The following MAK variants were observed in gnomAD, a reference collection of about 807,000 sequenced individuals.
MAK encodes the protein male germ cell associated kinase.
MAK carries 65 observed loss-of-function variants against 82.6 expected under a neutral mutation model. That is an observed-to-expected ratio of 0.79 (90% CI 0.64 to 0.97). The LOEUF (loss-of-function observed/expected upper bound fraction) is 0.97, where lower values mean the gene tolerates loss of function less well. Among genes scored for constraint, MAK ranks in the 50% least tolerant of loss-of-function variants. MAK has a pLI of 0.00. For missense variants in MAK, 703 were observed against 780.2 expected (o/e 0.90, Z 1.18); for synonymous variants, 250 against 274.2 (o/e 0.91, Z 0.87).
At chr6:10,835,836 C>G (rs1019240979) in intron 1 of MAK, among the ~76,000 whole-genome samples, 1 of 152,136 alleles carries the variant, frequency 6.6e-6, no homozygotes, top group African/African-American at 2.4e-5. Context: ...GCCCAACAAT[C>G]TAAAAATTAA....
rs1778731048 is a variant in MAK at position 10,830,465 on chromosome 6, T to G, written c.101+83A>C. 2.4e-5 allele frequency: 28 copies of G among 1,170,466 alleles called. 1 individual carries two copies. The South Asian group carries it at 3.3e-4, about 14-fold the overall frequency. The allele number at this position is 1,170,466 out of a possible 1,614,324, so 72.5% of individuals were successfully genotyped here. A position where few individuals can be genotyped will look rare whatever the true frequency, so the allele number is the denominator to read the frequency against. The stretch of plus-strand genomic sequence containing the variant: ...AGGCATGAGCCACCGCGCTGGCCTG[T>G]GCTGGTATATATTCTTAAGCGAGGA... On this transcript the variant is annotated intron_variant, in intron 2 of 14. Coordinates refer to ENST00000354489, the MANE Select transcript of MAK (RefSeq NM_001242957.3).
chr6:10,787,867 A>C (rs1471492336), intron 10 of MAK, among the ~76,000 whole-genome samples: 1 of 152,050 alleles, frequency 6.6e-6, no homozygotes, highest in African/African-American at 2.4e-5. Context: ...TCAAAAAAAA[A>C]AAAAAAAAGT....
intron 5 of MAK, among the ~76,000 whole-genome samples, chr6:10,811,252 G>A (rs778244691): frequency 3.3e-5 from 5 of 152,130 alleles, no homozygotes; most frequent in Non-Finnish European, 7.4e-5. Flanking sequence ...GCCTGCCTTG[G>A]CCTCCCAAAG....
At chr6:10,804,738 A>T (rs903546903) in intron 6 of MAK, among the ~76,000 whole-genome samples, 1 of 152,162 alleles carries the variant, frequency 6.6e-6, no homozygotes, top group Admixed American at 6.5e-5. Context: ...GACACTCTCA[A>T]TTCTCTTTTT....
At chr6:10,827,340 G>T (rs906900977) in intron 2 of MAK, among the ~76,000 whole-genome samples, 1 of 152,058 alleles carries the variant, frequency 6.6e-6, no homozygotes, top group Non-Finnish European at 1.5e-5. Flanking sequence ...AAATATTTTT[G>T]TATATGGATG....
intron 9 of MAK, among the ~76,000 whole-genome samples, chr6:10,795,103 C>G (rs1046442655): frequency 3.3e-5 from 5 of 152,186 alleles, no homozygotes; most frequent in African/African-American, 4.8e-5. Context: ...GATTTAGGAT[C>G]AGTACTCTGG....
chr6:10,790,357 A>G (rs1310321631), intron 10 of MAK, among the ~76,000 whole-genome samples: 1 of 152,218 alleles, frequency 6.6e-6, no homozygotes, highest in African/African-American at 2.4e-5. Flanking sequence ...CTACTTGTAT[A>G]AGTTTTCCTG....
chr6:10,818,810 G>T, intron 3 of MAK, 76 bp downstream of exon 3: 1 of 801,904 alleles, frequency 1.2e-6, no homozygotes, highest in African/African-American at 1.7e-5. Context: ...TTCCCACAGA[G>T]AATAAAATCA....
chr6:10,822,963 A>T (rs189009171), intron 2 of MAK, among the ~76,000 whole-genome samples: 72 of 152,376 alleles, frequency 4.7e-4, no homozygotes, highest in Non-Finnish European at 7.3e-5. Context: ...CAAAGGAAAC[A>T]TTCAAAGAAA....
At chr6:10,807,737 A>C (rs187079554) in intron 6 of MAK, among the ~76,000 whole-genome samples, 4 of 152,072 alleles carry the variant, frequency 2.6e-5, no homozygotes, top group African/African-American at 9.6e-5. Flanking sequence ...CACAAATACA[A>C]CACATCCACA....
chr6:10,835,244 T>C (rs565288494), intron 1 of MAK, among the ~76,000 whole-genome samples: 2 of 152,314 alleles, frequency 1.3e-5, no homozygotes, highest in African/African-American at 4.8e-5. Flanking sequence ...CCAAGAAGGT[T>C]TGCATCTTTC....
chr6:10,784,618 G>C, intron 10 of MAK, 46 bp from the exon 11 acceptor site: 1 of 1,335,750 alleles, frequency 7.5e-7, no homozygotes, highest in Non-Finnish European at 1.1e-6. Context: ...ACAACGAGAG[G>C]ATCTCGCCCA....
intron 5 of MAK, among the ~76,000 whole-genome samples, chr6:10,809,810 C>T (rs529003565): frequency 6.0e-4 from 92 of 152,132 alleles, no homozygotes; most frequent in African/African-American, 2.2e-3. Context: ...GGCAGAAAGC[C>T]CAGTGGGGGC....
intron 1 of MAK, among the ~76,000 whole-genome samples, chr6:10,833,375 C>G (rs1030703239): frequency 2.6e-5 from 4 of 152,120 alleles, no homozygotes; most frequent in Non-Finnish European, 5.9e-5. Flanking sequence ...GAGGCCAAGA[C>G]GGGTGGATCA....
intron 12 of MAK, among the ~76,000 whole-genome samples, chr6:10,773,724 C>T (rs547960470): frequency 2.5e-4 from 36 of 146,824 alleles, no homozygotes; most frequent in Non-Finnish European, 4.8e-4. Context: ...CAGAATCTCG[C>T]TCTGTCGCCC....
rs555014957 is a variant in MAK at position 10,770,468 on chromosome 6, CAGTT to C, written c.1673-242_1673-239del. ...GTTGAGTAACTTGCCTAACTTCTCACAGTTAGTAAGAGACTGAGCTGGGGTCTGA... is the reference window on the plus strand; with the variant it reads ...GTTGAGTAACTTGCCTAACTTCTCACAGTAAGAGACTGAGCTGGGGTCTGA... On this transcript the variant is annotated intron_variant, in intron 13 of 14. Transcript: ENST00000354489. Among the ~76,000 whole-genome samples, 220 of 152,258 alleles carry C rather than the reference CAGTT, an allele frequency of 1.4e-3. 2 individuals carry two copies. Among genetic ancestry groups the C allele is most frequent in the African/African-American group, 4.7e-3 (195 of 41,550 alleles).
At chr6:10,835,906 C>T (rs968816310) in intron 1 of MAK, among the ~76,000 whole-genome samples, 2 of 152,236 alleles carry the variant, frequency 1.3e-5, no homozygotes, top group African/African-American at 2.4e-5. Context: ...ATCACCACCG[C>T]CCTGGGGTGG....
At chr6:10,835,379 C>T (rs1008071863) in intron 1 of MAK, among the ~76,000 whole-genome samples, 10 of 152,214 alleles carry the variant, frequency 6.6e-5, no homozygotes, top group Non-Finnish European at 2.9e-5. Flanking sequence ...CCTGCCTCAG[C>T]CTCCTGAGTA....
Position 10,776,378 on chromosome 6 carries a change from C to T in MAK, c.1466-919G>A, listed in dbSNP as rs1773459529. On this transcript the variant is annotated intron_variant, in intron 11 of 14. Coordinates refer to ENST00000354489, the MANE Select transcript of MAK (RefSeq NM_001242957.3). The surrounding 1 kb of genome is among the most constrained non-coding windows in gnomAD (Gnocchi z 4.3). ...GTCCATTCAGCCTTGGGCCGTGATA[C>T]TAGTGGTCAAAGGGAGTTGTTTCAA... Among the ~76,000 whole-genome samples, 1 of 152,198 alleles carries T rather than the reference C, an allele frequency of 6.6e-6. No individual in the cohort carries two copies. The highest frequency in any genetic ancestry group is 6.5e-5 in the Admixed American group (1 of 15,274).
Sources: allele counts gnomAD v4.1 joint callset (sites outside exome capture counted in the v4.1 genomes callset), GRCh38; gene constraint gnomAD v4.1.1; non-coding constraint Gnocchi (gnomAD v3.1); transcripts MANE v1.5; gene names NCBI Gene and HGNC (gene_info 2026-07-23, HGNC 2026-07-21).